The following NBAS variants were observed in gnomAD, a reference collection of about 807,000 sequenced individuals.
The protein encoded by NBAS is NAG/BC035112 fusion.
NBAS carries 219 observed loss-of-function variants against 302.5 expected under a neutral mutation model. The observed-to-expected ratio is 0.72, with a 90% CI of 0.65 to 0.81. The LOEUF is 0.81. Ranked by LOEUF, NBAS falls within the 30% of genes least tolerant of loss-of-function variation. The pLI, the probability that NBAS is intolerant of heterozygous loss-of-function variation, is 0.00. For missense variants in NBAS, 2,932 were observed against 2,841.6 expected, an observed-to-expected ratio of 1.03 and a Z score of -0.72; for synonymous variants, 1,118 against 1,021.6, an observed-to-expected ratio of 1.09 and a Z score of -1.80.
At chr2:15,088,960 G>A in the NBAS span, among the ~76,000 whole-genome samples, 2 of 152,126 alleles carry the variant, frequency 1.3e-5, no homozygotes, top group Non-Finnish European at 2.9e-5. Flanking sequence ...TAAGCACCAG[G>A]CACAAAGCAA....
At chr2:14,864,015 T>G in the NBAS span, among the ~76,000 whole-genome samples, 1 of 152,122 alleles carries the variant, frequency 6.6e-6, no homozygotes, top group Non-Finnish European at 1.5e-5. Flanking sequence ...CTGAAATCAC[T>G]TAGTTACTAA....
chr2:15,420,889 C>T (rs1677179263), intron 23 of NBAS, among the ~76,000 whole-genome samples: 1 of 152,060 alleles, frequency 6.6e-6, no homozygotes, highest in South Asian at 2.1e-4. Context: ...AAGGCCCACT[C>T]ACAACCCTTC....
the NBAS span, among the ~76,000 whole-genome samples, chr2:14,833,733 T>G: frequency 6.6e-6 from 1 of 151,992 alleles, no homozygotes; most frequent in Non-Finnish European, 1.5e-5. Flanking sequence ...TGGATTCTAG[T>G]CCTGACCCTA....
intron 35 of NBAS, among the ~76,000 whole-genome samples, chr2:15,343,169 G>A (rs1045743020): frequency 1.4e-4 from 22 of 152,122 alleles, no homozygotes; most frequent in African/African-American, 4.3e-4. Context: ...GGCCTAAGGA[G>A]GAAGAGCACA....
chr2:15,444,684 C>G (rs1441409781), intron 21 of NBAS, among the ~76,000 whole-genome samples: 1 of 151,518 alleles, frequency 6.6e-6, no homozygotes, highest in Non-Finnish European at 1.5e-5. Flanking sequence ...AGCTTCTGCA[C>G]AGCAAAAGAA....
the NBAS span, among the ~76,000 whole-genome samples, chr2:15,077,525 G>T: frequency 6.6e-6 from 1 of 152,146 alleles, no homozygotes; most frequent in Admixed American, 6.5e-5. Flanking sequence ...AGAGATTATT[G>T]TTCAGTTGGG....
the NBAS span, among the ~76,000 whole-genome samples, chr2:15,070,368 TG>T: frequency 2.0e-5 from 3 of 152,158 alleles, no homozygotes; most frequent in Non-Finnish European, 4.4e-5. Flanking sequence ...TACACCCACA[TG>T]GAGGCTGCAG....
the NBAS span, among the ~76,000 whole-genome samples, chr2:14,963,265 C>A: frequency 2.0e-5 from 3 of 151,944 alleles, no homozygotes; most frequent in Non-Finnish European, 4.4e-5. Flanking sequence ...GAGACTCCAT[C>A]TCAAAAATAA....
chr2:14,852,700 C>T, the NBAS span, among the ~76,000 whole-genome samples: 1 of 148,856 alleles, frequency 6.7e-6, no homozygotes, highest in Non-Finnish European at 1.5e-5. Flanking sequence ...ACCAAAACAG[C>T]ATGGGACTGG....
At position 15,375,823 on chromosome 2, in the gene NBAS, A is replaced by C. The variant is rs192177474; in HGVS notation, c.3591-1103T>G. ...TACCAAATCAGGAACAAATTAAATA[A>C]ATTATATAATGGAATGTTCTACAAC... On this transcript the variant is annotated intron_variant, in intron 30 of 51. Transcript: ENST00000281513. Among the ~76,000 whole-genome samples, 45 of 152,254 alleles carry C rather than the reference A, an allele frequency of 3.0e-4. No individual in the cohort carries two copies. The South Asian group carries it at 3.1e-3, about 11-fold the overall frequency.
chr2:15,427,705 A>G lies in NBAS; in HGVS notation c.2423+6T>C. 6.2e-7 allele frequency: 1 copy of G among 1,606,222 alleles called. No homozygotes were observed. The highest frequency in any genetic ancestry group is 1.1e-5 in the South Asian group (1 of 89,768). On this transcript the variant is annotated splice_donor_region_variant and intron_variant, in intron 22 of 51. Transcript: ENST00000281513. ...ACAAAGATGCCTCCTGCAGGCTCAT[A>G]CTGACCTGCAAGCCAACTCCTCGCA...
At chr2:15,508,807 C>T (rs1347734056) in intron 10 of NBAS, among the ~76,000 whole-genome samples, 1 of 152,030 alleles carries the variant, frequency 6.6e-6, no homozygotes, top group Non-Finnish European at 1.5e-5. Context: ...AGTTCAAGAT[C>T]AGCCTGGCCA....
intron 21 of NBAS, among the ~76,000 whole-genome samples, chr2:15,440,384 T>C (rs1205341582): frequency 1.3e-5 from 2 of 152,196 alleles, no homozygotes; most frequent in African/African-American, 2.4e-5. Context: ...CCGCTGCTGA[T>C]ACCCAGGCAA....
chr2:14,908,111 C>T, the NBAS span, among the ~76,000 whole-genome samples: 2 of 152,228 alleles, frequency 1.3e-5, no homozygotes, highest in African/African-American at 2.4e-5. Flanking sequence ...CGCCTGTAAT[C>T]CCAGCACTTT....
the NBAS span, among the ~76,000 whole-genome samples, chr2:14,783,088 C>T: frequency 6.6e-6 from 1 of 152,028 alleles, no homozygotes; most frequent in South Asian, 2.1e-4. Context: ...CAAACCTGCA[C>T]ATGTACCCCT....
chr2:14,835,052 G>T, the NBAS span, among the ~76,000 whole-genome samples: 1 of 152,004 alleles, frequency 6.6e-6, no homozygotes, highest in Non-Finnish European at 1.5e-5. Flanking sequence ...ATTAAACGTG[G>T]TGAGCAAGAA....
intron 44 of NBAS, among the ~76,000 whole-genome samples, chr2:15,265,932 A>T (rs879723128): frequency 3.9e-5 from 6 of 152,190 alleles, no homozygotes; most frequent in Non-Finnish European, 8.8e-5. Flanking sequence ...AATTCTAAGG[A>T]CAGCCGATAA....
intron 40 of NBAS, among the ~76,000 whole-genome samples, chr2:15,294,780 T>C (rs1670470029): frequency 6.6e-6 from 1 of 152,212 alleles, no homozygotes; most frequent in African/African-American, 2.4e-5. Flanking sequence ...CAGTTGTTCC[T>C]TGAAGGAGTT....
intron 16 of NBAS, among the ~76,000 whole-genome samples, chr2:15,469,517 A>G (rs1679866051): frequency 6.6e-6 from 1 of 152,128 alleles, no homozygotes; most frequent in East Asian, 1.9e-4. Context: ...AAATCTTCCT[A>G]CTATAAAGAC....
Sources: gnomAD v4.1 joint callset for allele counts (sites outside exome capture counted in the v4.1 genomes callset) on GRCh38, gnomAD v4.1.1 for gene constraint, MANE v1.5 for transcripts, NCBI Gene and HGNC (gene_info 2026-07-23, HGNC 2026-07-21) for gene names.